Variants in LIPC observed in about 807,000 individuals in gnomAD.
LIPC encodes lipase C, hepatic type.
In LIPC, 44 loss-of-function variants were observed where a neutral mutation model predicts 50.7. That is an observed-to-expected ratio of 0.87 (90% confidence interval 0.68 to 1.11). The LOEUF is 1.11. Among genes scored for constraint, LIPC ranks in the 50% most tolerant of loss-of-function variants. The pLI is 0.00. For missense variants in LIPC, 697 were observed against 648.2 expected (o/e 1.08, Z -0.82); for synonymous variants, 271 against 256.4 (o/e 1.06, Z -0.54).
intron 1 of LIPC, among the ~76,000 whole-genome samples, chr15:58,483,212 G>A (rs1393151488): frequency 6.6e-6 from 1 of 152,060 alleles, no homozygotes; most frequent in Non-Finnish European, 1.5e-5. Flanking sequence ...AAATCACAGT[G>A]GCCATATAGA....
chr15:58,543,101 G>A (rs1893393460), intron 4 of LIPC, among the ~76,000 whole-genome samples: 1 of 152,130 alleles, frequency 6.6e-6, no homozygotes, highest in Non-Finnish European at 1.5e-5. Context: ...TTGGGTTGAG[G>A]GAGGGAGCTC....
chr15:58,511,179 A>G (rs1319711026), intron 1 of LIPC, among the ~76,000 whole-genome samples: 1 of 152,136 alleles, frequency 6.6e-6, no homozygotes, highest in African/African-American at 2.4e-5. Context: ...ATACGAATTA[A>G]ATGATTATCC....
intron 1 of LIPC, among the ~76,000 whole-genome samples, chr15:58,476,174 T>G (rs1482377251): frequency 6.6e-6 from 1 of 152,230 alleles, no homozygotes; most frequent in Non-Finnish European, 1.5e-5. Context: ...AGCTCGGAAG[T>G]AGTGGATTTG....
intron 5 of LIPC, 46 bp from the exon 6 acceptor site, chr15:58,548,284 G>A: frequency 6.2e-7 from 1 of 1,613,408 alleles, no homozygotes; most frequent in Non-Finnish European, 8.5e-7. Flanking sequence ...AGTTGAGGCT[G>A]CTTTGGGTTA....
intron 1 of LIPC, among the ~76,000 whole-genome samples, chr15:58,505,355 T>C (rs1471689104): frequency 6.6e-6 from 1 of 152,116 alleles, no homozygotes; most frequent in Non-Finnish European, 1.5e-5. Flanking sequence ...CTTTAAAAAG[T>C]GGGATAATAA....
At chr15:58,450,674 G>T (rs904206392) in intron 1 of LIPC, among the ~76,000 whole-genome samples, 2 of 152,192 alleles carry the variant, frequency 1.3e-5, no homozygotes, top group South Asian at 2.1e-4. Flanking sequence ...CTGGTGGTCT[G>T]CTATACCTAG....
intron 1 of LIPC, among the ~76,000 whole-genome samples, chr15:58,484,802 T>G (rs1278914468): frequency 6.6e-6 from 1 of 152,220 alleles, no homozygotes; most frequent in Admixed American, 6.5e-5. Context: ...GTATGCCAAC[T>G]GAGAATGCTA....
At position 58,545,742 on chromosome 15, in the gene LIPC, G is replaced by A; in HGVS notation, c.575G>A (p.Gly192Glu). ...GGTHKIGRIT[G>E]LDAAGPLFEG... Reference sequence around the variant, plus strand: ...ACCCTTACCCCTGCTTTCCCATTAGGGCTGGATGCCGCGGGACCTTTGTTT... The same window carrying A: ...ACCCTTACCCCTGCTTTCCCATTAGAGCTGGATGCCGCGGGACCTTTGTTT... Residue 192 changes from glycine to glutamate, a missense_variant and splice_region_variant, in exon 5 of 9, where the codon GGG becomes GAG. Transcript: ENST00000299022. The A allele has an allele frequency of 1.9e-6, 3 of 1,614,038 alleles. No individual in the cohort carries two copies. The highest frequency in any genetic ancestry group is 1.7e-6 in the Non-Finnish European group (2 of 1,179,942).
At position 58,489,355 on chromosome 15, in the gene LIPC, G is replaced by A. The variant is rs141210005; in HGVS notation, c.89-48978G>A. On this transcript the variant is annotated intron_variant, in intron 1 of 8. Transcript: ENST00000299022. ...ACCAAGACCACGCTATTGTAGTAGA[G>A]TTTAACACAAAGCCAGCTACGCAGA... is the stretch of plus-strand genomic sequence containing the variant. Among the ~76,000 whole-genome samples the A allele has an allele frequency of 1.1e-3, 167 of 152,180 alleles. 1 individual carries two copies. The highest frequency in any genetic ancestry group is 4.4e-5 in the Non-Finnish European group (3 of 67,998).
intron 1 of LIPC, among the ~76,000 whole-genome samples, chr15:58,527,052 G>A (rs1331498194): frequency 6.6e-6 from 1 of 152,232 alleles, no homozygotes; most frequent in Non-Finnish European, 1.5e-5. Context: ...GTGGTCTGAA[G>A]TGGGCAGGCA....
At chr15:58,536,656 A>G (rs985288605) in intron 1 of LIPC, among the ~76,000 whole-genome samples, 1 of 152,188 alleles carries the variant, frequency 6.6e-6, no homozygotes, top group East Asian at 1.9e-4. Context: ...GCAGGCTTCC[A>G]GGAGTGAGGG....
intron 1 of LIPC, chr15:58,494,778 T>A (rs1294361387): frequency 2.2e-6 from 1 of 456,156 alleles, no homozygotes; most frequent in Non-Finnish European, 4.4e-6. Context: ...TTTACCTGAA[T>A]GCACATAAGG....
chr15:58,459,250 C>A (rs774450261), intron 1 of LIPC, among the ~76,000 whole-genome samples: 1 of 152,078 alleles, frequency 6.6e-6, no homozygotes, highest in Non-Finnish European at 1.5e-5. Flanking sequence ...TTGGCTTTTC[C>A]CAGCAAGCAG....
At chr15:58,475,637 G>A (rs560134606) in intron 1 of LIPC, among the ~76,000 whole-genome samples, 1 of 152,102 alleles carries the variant, frequency 6.6e-6, no homozygotes, top group Non-Finnish European at 1.5e-5. Context: ...GCAACCATTG[G>A]CTCACACATC....
At chr15:58,525,599 C>T (rs1402477572) in intron 1 of LIPC, among the ~76,000 whole-genome samples, 1 of 152,210 alleles carries the variant, frequency 6.6e-6, no homozygotes, top group Non-Finnish European at 1.5e-5. Context: ...GGGAGAGTCC[C>T]AGTAGGCCAT....
intron 1 of LIPC, among the ~76,000 whole-genome samples, chr15:58,442,457 T>C (rs1893539671): frequency 6.6e-6 from 1 of 152,216 alleles, no homozygotes; most frequent in Non-Finnish European, 1.5e-5. Flanking sequence ...GGAACTGTTT[T>C]ATTCAGGGCC....
chr15:58,450,841 G>A (rs779503962), intron 1 of LIPC, among the ~76,000 whole-genome samples: 13 of 152,180 alleles, frequency 8.5e-5, no homozygotes, highest in Non-Finnish European at 1.8e-4. Flanking sequence ...CCCTGCAGCA[G>A]TCAGGGTTTA....
intron 1 of LIPC, among the ~76,000 whole-genome samples, chr15:58,433,403 C>A (rs764942915): frequency 6.6e-6 from 1 of 152,188 alleles, no homozygotes; most frequent in Non-Finnish European, 1.5e-5. Context: ...GCCCCTTGAG[C>A]CTTAACATAT....
intron 1 of LIPC, among the ~76,000 whole-genome samples, chr15:58,468,969 T>A (rs1023078791): frequency 6.6e-6 from 1 of 152,230 alleles, no homozygotes; most frequent in Non-Finnish European, 1.5e-5. Context: ...ATTTGCTTAA[T>A]GTACCTAAGC....
Sources: gnomAD v4.1 joint callset for allele counts (sites outside exome capture counted in the v4.1 genomes callset) on GRCh38, gnomAD v4.1.1 for gene constraint, MANE v1.5 for transcripts, NCBI Gene and HGNC (gene_info 2026-07-23, HGNC 2026-07-21) for gene names.